FAM193A: variants seen among roughly 807,000 people sequenced by gnomAD.
The protein encoded by FAM193A is family with sequence similarity 193 member A, also known as protein FAM193A.
A neutral mutation model predicts 126.5 loss-of-function variants in FAM193A; 22 were observed. The observed-to-expected ratio is 0.17, with a 90% CI of 0.12 to 0.25. The LOEUF is 0.25. FAM193A is among the 10% of genes least tolerant of loss of function. FAM193A has a pLI of 1.00. For synonymous variants in FAM193A, 761 were observed against 646.8 expected (o/e 1.18, Z -2.68); for missense variants, 1,675 against 1,672.8 (o/e 1.00, Z -0.02).
chr4:2,711,074 G>A (rs372994674), intron 19 of FAM193A, among the ~76,000 whole-genome samples: 7 of 150,432 alleles, frequency 4.7e-5, no homozygotes, highest in Non-Finnish European at 1.0e-4. Context: ...GGATGGTCTC[G>A]ATCTCCTGAC....
chr4:2,571,651 T>TC (rs1739298949), intron 1 of FAM193A, among the ~76,000 whole-genome samples: 1 of 151,650 alleles, frequency 6.6e-6, no homozygotes, highest in African/African-American at 2.4e-5. Context: ...AGCGATTCTC[T>TC]CACCTCAGCT....
intron 1 of FAM193A, among the ~76,000 whole-genome samples, chr4:2,560,822 A>G (rs1164347652): frequency 6.6e-6 from 1 of 151,660 alleles, no homozygotes; most frequent in East Asian, 1.9e-4. Flanking sequence ...TTTTATTTTT[A>G]GTTTTTGTGG....
intron 19 of FAM193A, among the ~76,000 whole-genome samples, chr4:2,709,580 G>A (rs571827749): frequency 2.1e-4 from 32 of 152,230 alleles, no homozygotes; most frequent in Admixed American, 1.8e-3. Flanking sequence ...GTAGTAACAC[G>A]CACCTGTAAT....
chr4:2,606,330 G>A (rs939617058), intron 2 of FAM193A, among the ~76,000 whole-genome samples: 4 of 152,254 alleles, frequency 2.6e-5, no homozygotes, highest in Admixed American at 1.3e-4. Context: ...GATTATAGGC[G>A]TGAGCCACCG....
chr4:2,694,423 C>A (rs562755229), intron 16 of FAM193A, among the ~76,000 whole-genome samples: 61 of 152,130 alleles, frequency 4.0e-4, no homozygotes, highest in South Asian at 1.7e-3. Context: ...CATACGCCAC[C>A]ATGCCTGGCT....
At chr4:2,594,295 G>C (rs1176163950) in intron 1 of FAM193A, among the ~76,000 whole-genome samples, 2 of 152,216 alleles carry the variant, frequency 1.3e-5, no homozygotes, top group African/African-American at 4.8e-5. Flanking sequence ...CTCAGTGGCT[G>C]TTCAGGGGCC....
chr4:2,545,370 G>A (rs1157293014), intron 1 of FAM193A, among the ~76,000 whole-genome samples: 1 of 150,840 alleles, frequency 6.6e-6, no homozygotes, highest in Non-Finnish European at 1.5e-5. Flanking sequence ...ATGCATCTGT[G>A]TTGTTGTCCT....
At chr4:2,602,851 T>C (rs953675192) in intron 2 of FAM193A, among the ~76,000 whole-genome samples, 20 of 147,792 alleles carry the variant, frequency 1.4e-4, no homozygotes, top group African/African-American at 4.8e-4. Context: ...TAGTAGAGAT[T>C]GGGTTTCACC....
chr4:2,562,874 C>T lies in FAM193A; in HGVS notation c.255+25704C>T, dbSNP rs143166606. ...GGAACTCCTGACCTCATGATCTGCT[C>T]GCCTTGGCCTTCCAAAGTGCTGGGA... On this transcript the variant is annotated intron_variant, in intron 1 of 20. Transcript: ENST00000637812. Among the ~76,000 whole-genome samples, 195 of 151,616 alleles carry T rather than the reference C, an allele frequency of 1.3e-3. 1 individual carries two copies. The highest frequency in any genetic ancestry group is 4.6e-3 in the African/African-American group (189 of 41,316).
At position 2,578,064 on chromosome 4, in the gene FAM193A, A is replaced by G. The variant is rs1363157989; in HGVS notation, c.256-18020A>G. Among the ~76,000 whole-genome samples, 3 of 151,890 alleles carry G rather than the reference A, an allele frequency of 2.0e-5. No individual in the cohort carries two copies. The South Asian group carries it at 6.2e-4, about 32-fold the overall frequency. Reference sequence around the variant, plus strand: ...AATATTCTTAGGACTGTAATTGTAGATTTATTACTTCTTCTGTTTTTTGTT... The same window carrying G: ...AATATTCTTAGGACTGTAATTGTAGGTTTATTACTTCTTCTGTTTTTTGTT... On this transcript the variant is annotated intron_variant, in intron 1 of 20. Transcript: ENST00000637812.
At chr4:2,617,263 T>TATATATATA (rs1491092623) in intron 2 of FAM193A, among the ~76,000 whole-genome samples, 1 of 21,884 alleles carries the variant, frequency 4.6e-5, no homozygotes, top group African/African-American at 5.2e-4. Flanking sequence ...TATATATATA[T>TATATATATA]TTTTTTTTTT....
intron 1 of FAM193A, among the ~76,000 whole-genome samples, chr4:2,567,569 T>G (rs1317386618): frequency 6.6e-6 from 1 of 152,200 alleles, no homozygotes; most frequent in Admixed American, 6.5e-5. Flanking sequence ...ACAAGTTTTG[T>G]GTTGTTATTA....
intron 8 of FAM193A, among the ~76,000 whole-genome samples, chr4:2,658,723 C>T (rs1300833990): frequency 6.6e-6 from 1 of 151,936 alleles, no homozygotes; most frequent in Non-Finnish European, 1.5e-5. Context: ...TCTTCCCTTT[C>T]CCCATTCTGC....
intron 2 of FAM193A, among the ~76,000 whole-genome samples, chr4:2,611,573 T>C (rs1467508627): frequency 6.6e-6 from 1 of 152,114 alleles, no homozygotes; most frequent in East Asian, 1.9e-4. Context: ...CACGCCCGGC[T>C]TAATCTGCAT....
At chr4:2,554,169 C>G (rs1738115920) in intron 1 of FAM193A, among the ~76,000 whole-genome samples, 1 of 152,166 alleles carries the variant, frequency 6.6e-6, no homozygotes, top group Non-Finnish European at 1.5e-5. Flanking sequence ...ACTGCAACCT[C>G]TGCCTCCCGG....
chr4:2,646,068 T>G (rs1180699908), intron 6 of FAM193A, among the ~76,000 whole-genome samples: 3 of 151,850 alleles, frequency 2.0e-5, no homozygotes, highest in Non-Finnish European at 4.4e-5. Context: ...ATTCCATATT[T>G]GGTAAACTGA....
chr4:2,555,569 G>A (rs1738197519), intron 1 of FAM193A, among the ~76,000 whole-genome samples: 1 of 152,136 alleles, frequency 6.6e-6, no homozygotes, highest in Admixed American at 6.6e-5. Context: ...CCTTGAGCCC[G>A]GGATTTTGAG....
chr4:2,646,011 A>AT (rs1020890956), intron 6 of FAM193A, among the ~76,000 whole-genome samples: 8 of 151,296 alleles, frequency 5.3e-5, no homozygotes, highest in Admixed American at 3.3e-4. Flanking sequence ...TCCCATATTT[A>AT]TTTTTTTATC....
intron 13 of FAM193A, among the ~76,000 whole-genome samples, chr4:2,686,228 G>A (rs1275846226): frequency 6.6e-6 from 1 of 152,212 alleles, no homozygotes; most frequent in Non-Finnish European, 1.5e-5. Context: ...GTTTTTGAGT[G>A]TGTGGGGTTC....
Sources: allele counts gnomAD v4.1 joint callset (sites outside exome capture counted in the v4.1 genomes callset), GRCh38; gene constraint gnomAD v4.1.1; transcripts MANE v1.5; gene names NCBI Gene and HGNC (gene_info 2026-07-23, HGNC 2026-07-21).